The following SLC25A17 variants were observed in gnomAD, a reference collection of about 807,000 sequenced individuals.
SLC25A17 encodes solute carrier family 25 member 17, also known as peroxisomal membrane protein PMP34.
SLC25A17 carries 26 observed loss-of-function variants against 38.5 expected under a neutral mutation model. That is an observed-to-expected ratio of 0.68 (90% CI 0.50 to 0.94). The LOEUF (loss-of-function observed/expected upper bound fraction) is 0.94, where lower values mean the gene tolerates loss of function less well. Among genes scored for constraint, SLC25A17 ranks in the 40% least tolerant of loss-of-function variants. The probability of loss-of-function intolerance (pLI) is 0.00; values close to 1 mark genes in which losing one functional copy is unlikely to be tolerated. For synonymous variants in SLC25A17, 139 were observed against 136.2 expected (o/e 1.02, Z -0.14); for missense variants, 333 against 372.7 (o/e 0.89, Z 0.88).
chr22:40,795,582 G>A (rs898859328), intron 2 of SLC25A17, among the ~76,000 whole-genome samples: 8 of 151,374 alleles, frequency 5.3e-5, no homozygotes, highest in South Asian at 2.1e-4. Context: ...GAGCCACCAC[G>A]CCCAGCCTAA....
intron 4 of SLC25A17, among the ~76,000 whole-genome samples, chr22:40,782,745 G>A (rs376875545): frequency 6.6e-6 from 1 of 152,216 alleles, no homozygotes; most frequent in Non-Finnish European, 1.5e-5. Flanking sequence ...TAAGGCCAGA[G>A]GGCAGGAAAT....
At chr22:40,779,370 C>T (rs2057276076) in intron 4 of SLC25A17, 1 of 995,568 alleles carries the variant, frequency 1.0e-6, no homozygotes, top group African/African-American at 1.6e-5. Flanking sequence ...GCAATAAGTT[C>T]CCTCATTTGT....
chr22:40,815,937 A>G (rs894933950), intron 1 of SLC25A17, among the ~76,000 whole-genome samples: 1 of 152,242 alleles, frequency 6.6e-6, no homozygotes. Context: ...CTGTAATCCC[A>G]GCACTTTGGG....
chr22:40,814,701 T>C (rs567716778), intron 1 of SLC25A17, among the ~76,000 whole-genome samples: 1 of 151,012 alleles, frequency 6.6e-6, no homozygotes, highest in Non-Finnish European at 1.5e-5. Flanking sequence ...AGTTGACCTT[T>C]GGAAGAACAG....
chr22:40,817,099 A>G (rs2057649070), intron 1 of SLC25A17: 1 of 152,194 alleles, frequency 6.6e-6, no homozygotes, highest in African/African-American at 2.4e-5. Context: ...CTTCTCTTAG[A>G]TGCACTCCAA....
In SLC25A17 at chr22:40,771,826, A is replaced by T. The variant is rs145035295; in HGVS notation, c.777-845T>A. On this transcript the variant is annotated intron_variant, in intron 8 of 8. Coordinates refer to ENST00000435456, the MANE Select transcript of SLC25A17 (RefSeq NM_006358.4). ...GGTGACTATAGTCAATAATAATTTAATTGTACATTTAAAAATAACTAAAAG... is the reference window on the plus strand; with the variant it reads ...GGTGACTATAGTCAATAATAATTTATTTGTACATTTAAAAATAACTAAAAG... 4.9e-4 allele frequency among the ~76,000 whole-genome samples: 75 copies of T among 152,308 alleles called. 2 individuals carry two copies. In the East Asian group the frequency reaches 0.014, roughly 29 times the overall value.
At chr22:40,802,261 T>C (rs937718567) in intron 1 of SLC25A17, among the ~76,000 whole-genome samples, 13 of 152,268 alleles carry the variant, frequency 8.5e-5, no homozygotes, top group Middle Eastern at 3.4e-3. Flanking sequence ...CCTACCTATC[T>C]GGATATCTTG....
chr22:40,786,139 C>T (rs1025875035), intron 4 of SLC25A17, among the ~76,000 whole-genome samples: 5 of 152,014 alleles, frequency 3.3e-5, no homozygotes, highest in African/African-American at 9.7e-5. Context: ...GGTGAAACTC[C>T]GTCTCTAGGA....
chr22:40,792,758 T>TGTGAATGATGGTCAG, intron 3 of SLC25A17, 82 bp from the exon 4 acceptor site: 1 of 1,429,972 alleles, frequency 7.0e-7, no homozygotes, highest in Non-Finnish European at 9.7e-7. Context: ...AGGCTGACCA[T>TGTGAATGATGGTCAG]CATTCACATG....
chr22:40,786,813 G>T (rs2057342515), intron 4 of SLC25A17, among the ~76,000 whole-genome samples: 1 of 152,174 alleles, frequency 6.6e-6, no homozygotes, highest in African/African-American at 2.4e-5. Context: ...ATATATTCAA[G>T]ATTTTTGGTG....
At chr22:40,808,246 T>C (rs1247705354) in intron 1 of SLC25A17, among the ~76,000 whole-genome samples, 1 of 152,206 alleles carries the variant, frequency 6.6e-6, no homozygotes, top group Non-Finnish European at 1.5e-5. Context: ...CAACACTCTA[T>C]CTTCCCACCC....
intron 1 of SLC25A17, among the ~76,000 whole-genome samples, chr22:40,805,066 T>C (rs928266928): frequency 2.0e-5 from 3 of 152,260 alleles, no homozygotes; most frequent in African/African-American, 7.2e-5. Flanking sequence ...CTGGGAGCAG[T>C]GGCTCACGCC....
Position 40,772,447 on chromosome 22 carries a change from G to A in SLC25A17, c.777-1466C>T, listed in dbSNP as rs117917067. Reference sequence around the variant, plus strand: ...AGCCTCCTGGGTAGCTGGGACTACAGGCAGGCACCAGGATGCCTAGCTAAT... The same window carrying A: ...AGCCTCCTGGGTAGCTGGGACTACAAGCAGGCACCAGGATGCCTAGCTAAT... On this transcript the variant is annotated intron_variant, in intron 8 of 8. Transcript: ENST00000435456. 9.8e-4 allele frequency among the ~76,000 whole-genome samples: 149 copies of A among 152,210 alleles called. 3 individuals are homozygous for A. In the East Asian group the frequency reaches 0.022, roughly 22 times the overall value.
chr22:40,819,157 T>G, intron 1 of SLC25A17, 38 bp downstream of exon 1: 1 of 1,611,818 alleles, frequency 6.2e-7, no homozygotes, highest in Non-Finnish European at 8.5e-7. Flanking sequence ...AGAAGCCTTA[T>G]AACCCGTTGC....
In SLC25A17 at chr22:40,774,024, G is replaced by A. The variant is rs1367569162; in HGVS notation, c.694-5C>T. 6.3e-7 allele frequency: 1 copy of A among 1,598,474 alleles called. No individual in the cohort carries two copies. Among genetic ancestry groups the A allele is most frequent in the Non-Finnish European group, 8.6e-7 (1 of 1,167,328 alleles). ...GTTTAGTCTATGACGCCCAAACTGA[G>A]GAAAGAGGGAAAAAAAACAAAAGTA... On this transcript the variant is annotated splice_polypyrimidine_tract_variant and splice_region_variant and intron_variant, in intron 7 of 8. Coordinates refer to ENST00000435456, the MANE Select transcript of SLC25A17 (RefSeq NM_006358.4).
intron 7 of SLC25A17, 39 bp from the exon 8 acceptor site, chr22:40,774,058 G>A (rs2057215834): frequency 7.5e-7 from 1 of 1,332,360 alleles, no homozygotes. Context: ...TACTGTTGCT[G>A]TTTTTTAAAA....
intron 4 of SLC25A17, among the ~76,000 whole-genome samples, chr22:40,783,919 T>G (rs1208893497): frequency 1.3e-5 from 2 of 152,152 alleles, no homozygotes; most frequent in East Asian, 3.9e-4. Context: ...TTGGCCAGGT[T>G]GGTCTCAAAC....
At chr22:40,814,486 T>C (rs1252444290) in intron 1 of SLC25A17, among the ~76,000 whole-genome samples, 1 of 152,198 alleles carries the variant, frequency 6.6e-6, no homozygotes, top group Non-Finnish European at 1.5e-5. Flanking sequence ...TACTATTATA[T>C]ATGATTTACA....
At chr22:40,783,344 T>C (rs2057310315) in intron 4 of SLC25A17, among the ~76,000 whole-genome samples, 1 of 152,240 alleles carries the variant, frequency 6.6e-6, no homozygotes, top group East Asian at 1.9e-4. Context: ...AGATGCCACA[T>C]TTGACCCTGT....
Sources: gnomAD v4.1 joint callset for allele counts (sites outside exome capture counted in the v4.1 genomes callset) on GRCh38, gnomAD v4.1.1 for gene constraint, MANE v1.5 for transcripts, NCBI Gene and HGNC (gene_info 2026-07-23, HGNC 2026-07-21) for gene names.